The following TMEM268 variants were observed in gnomAD, a reference collection of about 807,000 sequenced individuals.
TMEM268 encodes the protein transmembrane protein C9orf91.
A neutral mutation model predicts 39.1 loss-of-function variants in TMEM268; 24 were observed. That is an observed-to-expected ratio of 0.61 (90% CI 0.44 to 0.86). The LOEUF (loss-of-function observed/expected upper bound fraction) is 0.86, where lower values mean the gene tolerates loss of function less well. TMEM268 is among the 40% of genes least tolerant of loss of function. The pLI, the probability that TMEM268 is intolerant of heterozygous loss-of-function variation, is 0.00. For synonymous variants in TMEM268, 176 were observed against 173.5 expected (o/e 1.01, Z -0.12); for missense variants, 409 against 428.6 (o/e 0.95, Z 0.40).
intron 3 of TMEM268, among the ~76,000 whole-genome samples, chr9:114,626,068 G>A (rs1033295675): frequency 2.6e-5 from 4 of 151,766 alleles, no homozygotes; most frequent in East Asian, 3.9e-4. Flanking sequence ...CTCGTGATCC[G>A]CCCGCCTTGA....
chr9:114,642,988 G>A (rs1827420358), intron 8 of TMEM268, 146 bp from the exon 9 acceptor site: 1 of 744,070 alleles, frequency 1.3e-6, no homozygotes, highest in Non-Finnish European at 2.2e-6. Flanking sequence ...GAGAGTCCTA[G>A]GTGCTGACCT....
intron 8 of TMEM268, among the ~76,000 whole-genome samples, chr9:114,639,810 A>G (rs1380352378): frequency 6.7e-6 from 1 of 149,032 alleles, no homozygotes; most frequent in Non-Finnish European, 1.5e-5. Flanking sequence ...ATTTGAGTCC[A>G]GGAGTTCAAG....
At chr9:114,633,467 G>C (rs1846491352) in intron 5 of TMEM268, among the ~76,000 whole-genome samples, 1 of 151,980 alleles carries the variant, frequency 6.6e-6, no homozygotes, top group East Asian at 1.9e-4. Flanking sequence ...GCCCCACGTA[G>C]TTAATTTTTA....
At position 114,626,982 on chromosome 9, in the gene TMEM268, G is replaced by T; in HGVS notation, c.300G>T (p.Arg100Ser). ...GAAGATATATCATCTACAACTCGAG[G>T]CCTATGCGGCTGGCCTTTGCTGTGG... Reference protein sequence around the residue: ...QVRRYIIYNSRPMRLAFAVVF... With the variant: ...QVRRYIIYNSSPMRLAFAVVF... The change falls in exon 4 of 9, where the codon AGG becomes AGT. Residue 100 changes from arginine (R) to serine (S), a missense_variant. Transcript: ENST00000288502. 6.2e-7 allele frequency: 1 copy of T among 1,612,996 alleles called. No homozygotes were observed. Among genetic ancestry groups the T allele is most frequent in the Non-Finnish European group, 8.5e-7 (1 of 1,179,082 alleles).
rs1845979931 is a variant in TMEM268 at position 114,622,394 on chromosome 9, C to T, written c.107-1956C>T. On this transcript the variant is annotated intron_variant, in intron 2 of 8. Coordinates refer to ENST00000288502, the MANE Select transcript of TMEM268 (RefSeq NM_153045.4). ...AATCCCAGGGCTGGAATCTCTCCCA[C>T]CCCCCAGACCTCCTGGCTGCTGACC... 5.1e-6 allele frequency: 5 copies of T among 985,010 alleles called. No individual in the cohort carries two copies. In the South Asian group the frequency reaches 1.9e-4, roughly 37 times the overall value. The allele number at this position is 985,010 out of a possible 1,614,324, so 61.0% of individuals were successfully genotyped here.
intron 1 of TMEM268, among the ~76,000 whole-genome samples, chr9:114,616,523 A>G (rs911898692): frequency 6.6e-5 from 10 of 150,914 alleles, no homozygotes; most frequent in African/African-American, 2.0e-4. Flanking sequence ...GCACCACCAC[A>G]CCCGGCTGAT....
At chr9:114,629,808 G>A (rs7866902) in intron 5 of TMEM268, among the ~76,000 whole-genome samples, 4,440 of 152,312 alleles carry the variant, frequency 0.029, 118 homozygotes, top group East Asian at 0.13. Context: ...CACTTAGTGC[G>A]TGTGTTCACG....
intron 2 of TMEM268, chr9:114,622,124 G>C: frequency 1.0e-6 from 1 of 985,378 alleles, no homozygotes; most frequent in Non-Finnish European, 1.2e-6. Context: ...TGATACATTG[G>C]GGGAGCAGGG....
intron 8 of TMEM268, among the ~76,000 whole-genome samples, chr9:114,642,425 C>T (rs1195776765): frequency 6.6e-6 from 1 of 151,506 alleles, no homozygotes; most frequent in Non-Finnish European, 1.5e-5. Flanking sequence ...GTTAGGAGTA[C>T]TTGTGTAAAG....
chr9:114,622,483 A>C (rs916350486), intron 2 of TMEM268: 1 of 984,918 alleles, frequency 1.0e-6, no homozygotes, highest in Non-Finnish European at 1.2e-6. Flanking sequence ...CAGTTTCTCT[A>C]CTTGGAACTG....
At chr9:114,616,837 G>C (rs978065963) in intron 1 of TMEM268, among the ~76,000 whole-genome samples, 3 of 152,186 alleles carry the variant, frequency 2.0e-5, no homozygotes, top group Admixed American at 1.3e-4. Context: ...GGCCTGGTCA[G>C]CTCTTGAGTT....
chr9:114,627,576 G>C (rs1192883807), intron 4 of TMEM268, among the ~76,000 whole-genome samples: 1 of 152,112 alleles, frequency 6.6e-6, no homozygotes, highest in African/African-American at 2.4e-5. Flanking sequence ...TGGTCAAATA[G>C]CACACCTGAC....
intron 6 of TMEM268, among the ~76,000 whole-genome samples, chr9:114,636,666 A>G (rs758586354): frequency 1.3e-5 from 2 of 151,846 alleles, no homozygotes; most frequent in African/African-American, 2.4e-5. Context: ...ACACCCAGCT[A>G]ATTTTTTGTA....
the TMEM268 span, among the ~76,000 whole-genome samples, chr9:114,605,461 G>A: frequency 6.6e-6 from 1 of 152,176 alleles, no homozygotes; most frequent in Admixed American, 6.5e-5. Flanking sequence ...AAGATCATCA[G>A]GTCAACATAG....
At position 114,617,284 on chromosome 9, in the gene TMEM268, C is replaced by G; in HGVS notation, c.89C>G (p.Pro30Arg). ...PGWSALPGGS[P>R]PGWGQELHNG... ...TGGAGTGCCCTGCCTGGAGGGAGCC[C>G]TCCTGGCTGGGGGCAAGGTAAGATC... Residue 30 changes from proline (P) to arginine (R), a missense_variant, in exon 2 of 9, where the codon CCT becomes CGT. Pro to Arg is a moderately radical substitution (Grantham distance 103). Coordinates refer to ENST00000288502, the MANE Select transcript of TMEM268 (RefSeq NM_153045.4). 1.2e-6 allele frequency: 2 copies of G among 1,613,154 alleles called. No homozygotes were observed. The highest frequency in any genetic ancestry group is 1.7e-6 in the Non-Finnish European group (2 of 1,179,384).
chr9:114,631,172 G>A (rs180945894), intron 5 of TMEM268, among the ~76,000 whole-genome samples: 2 of 151,866 alleles, frequency 1.3e-5, no homozygotes, highest in East Asian at 1.9e-4. Flanking sequence ...TCAGCGGGGT[G>A]TGGTGGCACA....
intron 8 of TMEM268, among the ~76,000 whole-genome samples, chr9:114,642,012 G>T (rs11792303): frequency 0.32 from 48,205 of 151,788 alleles, 8,266 homozygotes; most frequent in South Asian, 0.44. Flanking sequence ...ACTTAAAATT[G>T]TTTTATTGTG....
intron 1 of TMEM268, among the ~76,000 whole-genome samples, chr9:114,613,761 T>C (rs147678248): frequency 2.9e-4 from 44 of 152,228 alleles, no homozygotes; most frequent in African/African-American, 9.9e-4. Context: ...TTTTGTTTTG[T>C]TTTGTTTTGT....
At chr9:114,637,428 A>G (rs1223371464) in intron 7 of TMEM268, among the ~76,000 whole-genome samples, 4 of 150,800 alleles carry the variant, frequency 2.7e-5, no homozygotes, top group Admixed American at 2.0e-4. Flanking sequence ...GAGTAGCTGG[A>G]ATTACAGGTG....
Sources: gnomAD v4.1 joint callset for allele counts (sites outside exome capture counted in the v4.1 genomes callset) on GRCh38, gnomAD v4.1.1 for gene constraint, MANE v1.5 for transcripts, NCBI Gene and HGNC (gene_info 2026-07-23, HGNC 2026-07-21) for gene names.